Variants in SCYL2 observed in about 807,000 individuals in gnomAD.
The protein encoded by SCYL2 is SCY1-like protein 2.
Under a neutral mutation model 100.4 loss-of-function variants are expected in SCYL2, and 36 were observed. The observed-to-expected ratio is 0.36, with a 90% CI of 0.27 to 0.47. The LOEUF is 0.47. Among genes scored for constraint, SCYL2 ranks in the 20% least tolerant of loss-of-function variants. The pLI is 1.00. For missense variants in SCYL2, 902 were observed against 1,083.9 expected (o/e 0.83, Z 2.36); for synonymous variants, 330 against 359.2 (o/e 0.92, Z 0.92).
chr12:100,339,023 G>A lies in SCYL2; in HGVS notation c.2641G>A (p.Val881Ile). The A allele has an allele frequency of 7.4e-6, 12 of 1,614,160 alleles. No homozygotes were observed. Among genetic ancestry groups the A allele is most frequent in the Non-Finnish European group, 9.3e-6 (11 of 1,179,968 alleles). Residue 881 changes from valine (V) to isoleucine (I), a missense_variant, in exon 18 of 18, where the codon GTA becomes ATA. By Grantham distance (29) the Val-to-Ile change is conservative. Transcript: ENST00000360820. ...PQGSPTMGSSVMGTQMNVIGQ... is the reference protein window; with the variant it reads ...PQGSPTMGSSIMGTQMNVIGQ... ...AGGTTCTCCAACTATGGGCAGTTCAGTAATGGGGACACAGATGAACGTGAT... is the reference window on the plus strand; with the variant it reads ...AGGTTCTCCAACTATGGGCAGTTCAATAATGGGGACACAGATGAACGTGAT...
At position 100,340,915 on chromosome 12, in the gene SCYL2, T is replaced by G. The variant is rs1274817712; in HGVS notation, c.*1743T>G. The stretch of plus-strand genomic sequence containing the variant: ...TGTCTTTTGGGAAAAAGCCTACATA[T>G]GGAATAAAATAAGTATTGAAGAATT... On this transcript the variant is annotated 3_prime_UTR_variant, in exon 18 of 18. Transcript: ENST00000360820. The G allele has an allele frequency of 1.3e-5, 2 of 152,134 alleles. No individual in the cohort carries two copies. Among genetic ancestry groups the G allele is most frequent in the African/African-American group, 4.8e-5 (2 of 41,460 alleles). The allele number at this position is 152,134 out of a possible 1,614,324, so 9.4% of individuals were successfully genotyped here. A position where few individuals can be genotyped will look rare whatever the true frequency, so the allele number is the denominator to read the frequency against.
rs147621942 is a variant in SCYL2 at position 100,331,280 on chromosome 12, T to A, written c.1761+1961T>A. ...GCTTTTTGTCATTTCTGTTCTTAGT[T>A]CTCATGTTTCTGATTTAGAGTTTTT... On this transcript the variant is annotated intron_variant, in intron 13 of 17. Coordinates refer to ENST00000360820, the MANE Select transcript of SCYL2 (RefSeq NM_017988.6). Among the ~76,000 whole-genome samples, 373 of 152,332 alleles carry A rather than the reference T, an allele frequency of 2.4e-3. 1 individual carries two copies. The highest frequency in any genetic ancestry group is 4.1e-3 in the Non-Finnish European group (281 of 68,036).
intron 13 of SCYL2, among the ~76,000 whole-genome samples, chr12:100,333,078 A>ATT (rs1418413348): frequency 2.8e-5 from 4 of 143,170 alleles, no homozygotes; most frequent in African/African-American, 7.6e-5. Flanking sequence ...TGAATTGTGA[A>ATT]TTTTTTTTTT....
intron 2 of SCYL2, among the ~76,000 whole-genome samples, chr12:100,287,599 G>GT (rs2096305819): frequency 6.6e-6 from 1 of 152,124 alleles, no homozygotes; most frequent in African/African-American, 2.4e-5. Flanking sequence ...ATACTTTTTA[G>GT]TAAGTGTCTT....
At chr12:100,299,677 A>G (rs921729790) in intron 4 of SCYL2, among the ~76,000 whole-genome samples, 1 of 150,944 alleles carries the variant, frequency 6.6e-6, no homozygotes, top group Non-Finnish European at 1.5e-5. Flanking sequence ...TGAGATTCAC[A>G]TGTTGTGTGT....
At chr12:100,314,966 C>CT (rs926074757) in intron 8 of SCYL2, among the ~76,000 whole-genome samples, 3 of 152,132 alleles carry the variant, frequency 2.0e-5, no homozygotes, top group African/African-American at 7.2e-5. Flanking sequence ...CCTTTTCTGA[C>CT]TTATTAAATG....
intron 1 of SCYL2, among the ~76,000 whole-genome samples, chr12:100,276,547 G>A (rs1420754982): frequency 6.6e-6 from 1 of 151,992 alleles, no homozygotes; most frequent in African/African-American, 2.4e-5. Context: ...TATGTTGCTC[G>A]GGCTGGTCTT....
intron 4 of SCYL2, among the ~76,000 whole-genome samples, chr12:100,310,261 G>C (rs567821002): frequency 6.6e-6 from 1 of 152,296 alleles, no homozygotes; most frequent in East Asian, 1.9e-4. Context: ...CTCCCAAATG[G>C]CTGGGATTAC....
intron 12 of SCYL2, among the ~76,000 whole-genome samples, 195 bp downstream of exon 12, chr12:100,326,949 A>G (rs1952138309): frequency 6.6e-6 from 1 of 152,184 alleles, no homozygotes; most frequent in South Asian, 2.1e-4. Context: ...AAGGAATAAG[A>G]TATTTAAGAA....
chr12:100,311,763 A>G (rs541835632), intron 5 of SCYL2, among the ~76,000 whole-genome samples: 4 of 152,334 alleles, frequency 2.6e-5, no homozygotes, highest in South Asian at 2.1e-4. Context: ...TGATTAGGAT[A>G]CCTGCCTATT....
intron 4 of SCYL2, among the ~76,000 whole-genome samples, chr12:100,309,713 A>C (rs901870417): frequency 6.6e-6 from 1 of 152,168 alleles, no homozygotes; most frequent in South Asian, 2.1e-4. Flanking sequence ...CATTTTGGCT[A>C]TTGTGAATAA....
At chr12:100,297,750 A>G (rs1292743224) in intron 3 of SCYL2, among the ~76,000 whole-genome samples, 1 of 152,026 alleles carries the variant, frequency 6.6e-6, no homozygotes, top group African/African-American at 2.4e-5. Flanking sequence ...AAGGTGGTTG[A>G]ACAAGGTGGT....
intron 12 of SCYL2, 147 bp downstream of exon 12, chr12:100,326,901 T>G: frequency 1.5e-6 from 1 of 651,688 alleles, no homozygotes; most frequent in East Asian, 3.0e-5. Context: ...ACTTTTCTCT[T>G]TAAGTTTAGC....
At chr12:100,309,486 G>T (rs1416491512) in intron 4 of SCYL2, among the ~76,000 whole-genome samples, 1 of 152,166 alleles carries the variant, frequency 6.6e-6, no homozygotes, top group Non-Finnish European at 1.5e-5. Flanking sequence ...TACAGTACTT[G>T]TTATTTTGTG....
chr12:100,326,414 G>T (rs1002327274), intron 11 of SCYL2, among the ~76,000 whole-genome samples: 1 of 152,052 alleles, frequency 6.6e-6, no homozygotes, highest in Non-Finnish European at 1.5e-5. Context: ...TAGTGACCTG[G>T]TGAAGCAATC....
At chr12:100,336,254 C>G (rs569217275) in intron 16 of SCYL2, among the ~76,000 whole-genome samples, 48 of 152,228 alleles carry the variant, frequency 3.2e-4, no homozygotes, top group African/African-American at 1.2e-3. Flanking sequence ...TAGATTTGTG[C>G]TGTCCAGCTA....
intron 4 of SCYL2, among the ~76,000 whole-genome samples, chr12:100,300,630 T>C (rs148887186): frequency 1.4e-3 from 215 of 152,276 alleles, no homozygotes; most frequent in African/African-American, 4.8e-3. Context: ...CCATCCCTAC[T>C]TTCCCCCACC....
At chr12:100,317,632 A>G (rs1029791229) in intron 9 of SCYL2, 171 bp from the exon 10 acceptor site, 31 of 1,391,130 alleles carry the variant, frequency 2.2e-5, no homozygotes, top group Non-Finnish European at 2.7e-5. Flanking sequence ...TTGTGCCTCC[A>G]GAAATGTAAG....
At chr12:100,279,421 G>A (rs1453121280) in intron 1 of SCYL2, among the ~76,000 whole-genome samples, 1 of 152,192 alleles carries the variant, frequency 6.6e-6, no homozygotes, top group East Asian at 1.9e-4. Flanking sequence ...CTGATCTGGC[G>A]GCCTAGGGGT....
Sources: gnomAD v4.1 joint callset for allele counts (sites outside exome capture counted in the v4.1 genomes callset) on GRCh38, gnomAD v4.1.1 for gene constraint, MANE v1.5 for transcripts, NCBI Gene and HGNC (gene_info 2026-07-23, HGNC 2026-07-21) for gene names.